Variants in GABBR2 observed in about 807,000 individuals in gnomAD.
GABBR2 encodes the protein G-protein coupled receptor 51.
A neutral mutation model predicts 105.6 loss-of-function variants in GABBR2; 23 were observed. That is an observed-to-expected ratio of 0.22 (90% CI 0.16 to 0.31). The LOEUF (loss-of-function observed/expected upper bound fraction) is 0.31. Ranked by LOEUF, GABBR2 falls within the 10% of genes least tolerant of loss-of-function variation. The pLI is 1.00. For missense variants in GABBR2, 734 were observed against 1,245.5 expected, an observed-to-expected ratio of 0.59 and a Z score of 6.18; for synonymous variants, 478 against 499.7, an observed-to-expected ratio of 0.96 and a Z score of 0.58.
chr9:98,343,924 C>G (rs1022612329), intron 13 of GABBR2, among the ~76,000 whole-genome samples: 4 of 152,188 alleles, frequency 2.6e-5, no homozygotes, highest in Non-Finnish European at 4.4e-5. Context: ...CACATACATA[C>G]TGTCAATTCG....
intron 1 of GABBR2, among the ~76,000 whole-genome samples, chr9:98,623,719 C>A (rs1357709566): frequency 6.6e-6 from 1 of 152,190 alleles, no homozygotes; most frequent in African/African-American, 2.4e-5. Context: ...TCCTTCTCTG[C>A]CTCTGACCCA....
chr9:98,416,013 G>C (rs1009939924), intron 7 of GABBR2, among the ~76,000 whole-genome samples: 14 of 152,290 alleles, frequency 9.2e-5, no homozygotes, highest in African/African-American at 2.6e-4. Context: ...GGTAGTCAGG[G>C]ATGTGTTGGT....
rs984433851 is a variant in GABBR2, at chr9:98,708,717, G to T, written c.21C>A (p.Ser7=). 3.0e-5 allele frequency: 30 copies of T among 990,834 alleles called. No homozygotes were observed. The highest frequency in any genetic ancestry group is 3.5e-5 in the Non-Finnish European group (29 of 836,170). 61.4% of individuals were successfully genotyped at this position (990,834 alleles called of 1,614,324 possible). ...GCGGCGGCGGCGGCCCGGGCTGCCCGGAGCTCCGCGGGGAAGCCATGCCGC... is the reference window on the plus strand; with the variant it reads ...GCGGCGGCGGCGGCCCGGGCTGCCCTGAGCTCCGCGGGGAAGCCATGCCGC... The part of the protein sequence containing the change: MASPRS[S]GQPGPPPPPP... The change falls in exon 1 of 19, where the codon TCC becomes TCA. Residue 7 remains serine (S), a synonymous_variant. Coordinates refer to ENST00000259455, the MANE Select transcript of GABBR2 (RefSeq NM_005458.8).
At chr9:98,367,792 T>C (rs1216866340) in intron 12 of GABBR2, among the ~76,000 whole-genome samples, 4 of 152,150 alleles carry the variant, frequency 2.6e-5, no homozygotes, top group African/African-American at 9.7e-5. Flanking sequence ...GAAATTTATA[T>C]CTTACCCAAA....
intron 9 of GABBR2, among the ~76,000 whole-genome samples, chr9:98,389,356 G>T (rs1377628018): frequency 6.6e-6 from 1 of 152,214 alleles, no homozygotes; most frequent in Non-Finnish European, 1.5e-5. Context: ...ATGTGAGTGG[G>T]TACCCGTGGG....
Position 98,547,361 on chromosome 9 carries a change from T to C in GABBR2, c.460-5318A>G, listed in dbSNP as rs561159244. 2.9e-3 allele frequency among the ~76,000 whole-genome samples: 338 copies of C among 117,242 alleles called. 54 individuals are homozygous for C. The highest frequency in any genetic ancestry group is 8.2e-3 in the African/African-American group (304 of 37,094). 76.9% of individuals were successfully genotyped at this position (117,242 alleles called of 152,430 possible). A position where few individuals can be genotyped will look rare whatever the true frequency, so the allele number is the denominator to read the frequency against. ...ATTTAACATATTTATTACATATACA[T>C]TTATAATATTGTATATATTATACAT... On this transcript the variant is annotated intron_variant, in intron 2 of 18. Coordinates refer to ENST00000259455, the MANE Select transcript of GABBR2 (RefSeq NM_005458.8).
intron 1 of GABBR2, among the ~76,000 whole-genome samples, chr9:98,601,606 T>C (rs1212566834): frequency 2.0e-5 from 3 of 152,098 alleles, no homozygotes; most frequent in Admixed American, 1.3e-4. Context: ...TTAAAGGACA[T>C]AAGAAGGAAG....
chr9:98,695,458 T>C (rs1830736993), intron 1 of GABBR2, among the ~76,000 whole-genome samples: 1 of 152,126 alleles, frequency 6.6e-6, no homozygotes, highest in African/African-American at 2.4e-5. Context: ...CTTCCAGAAA[T>C]GGATGGGGCT....
At chr9:98,606,815 A>T (rs1431309569) in intron 1 of GABBR2, 6 of 332,504 alleles carry the variant, frequency 1.8e-5, no homozygotes, top group African/African-American at 1.1e-4. Context: ...TCCTTTTTTA[A>T]AAAAAAAGTA....
intron 2 of GABBR2, among the ~76,000 whole-genome samples, chr9:98,571,485 C>T (rs1183866254): frequency 6.6e-6 from 1 of 152,108 alleles, no homozygotes; most frequent in East Asian, 1.9e-4. Context: ...TCTCCAGGGG[C>T]CAACAGCATC....
At chr9:98,616,069 GA>G (rs1240344544) in intron 1 of GABBR2, among the ~76,000 whole-genome samples, 1 of 152,214 alleles carries the variant, frequency 6.6e-6, no homozygotes, top group Non-Finnish European at 1.5e-5. Flanking sequence ...CCATCTTATA[GA>G]TAAGGAAACT....
At chr9:98,595,955 C>G (rs953478224) in intron 1 of GABBR2, among the ~76,000 whole-genome samples, 1 of 152,328 alleles carries the variant, frequency 6.6e-6, no homozygotes, top group South Asian at 2.1e-4. Context: ...TGTCCCATCC[C>G]CTTTGCCTGG....
chr9:98,494,592 C>T (rs371240953), intron 4 of GABBR2, among the ~76,000 whole-genome samples: 2 of 152,240 alleles, frequency 1.3e-5, no homozygotes, highest in South Asian at 2.1e-4. Context: ...AGCTGGGTGT[C>T]TTGGGGTAGT....
At chr9:98,567,880 T>G (rs1464637004) in intron 2 of GABBR2, among the ~76,000 whole-genome samples, 1 of 152,150 alleles carries the variant, frequency 6.6e-6, no homozygotes, top group African/African-American at 2.4e-5. Context: ...CTCCCTCTTT[T>G]GGGGTGGTGG....
rs1474853095 is a variant in GABBR2, at chr9:98,533,812, G to A, written c.630+8061C>T. Among the ~76,000 whole-genome samples the A allele has an allele frequency of 2.6e-5, 4 of 152,328 alleles. No individual in the cohort carries two copies. The East Asian group carries it at 7.7e-4, about 29-fold the overall frequency. On this transcript the variant is annotated intron_variant, in intron 3 of 18. Transcript: ENST00000259455. The stretch of plus-strand genomic sequence containing the variant: ...GATGTTCCTGCCAAGAGAGAAGCCA[G>A]CATGGAGGTGTGGCTGGACCAAAGG...
chr9:98,648,599 T>C (rs186893701), intron 1 of GABBR2, among the ~76,000 whole-genome samples: 2 of 152,160 alleles, frequency 1.3e-5, no homozygotes, highest in Middle Eastern at 3.2e-3. Flanking sequence ...CTTCTCCCTC[T>C]CCAAGTCTCA....
At chr9:98,693,216 C>A (rs1410396177) in intron 1 of GABBR2, among the ~76,000 whole-genome samples, 1 of 152,188 alleles carries the variant, frequency 6.6e-6, no homozygotes, top group East Asian at 1.9e-4. Context: ...AGGTCCTGCC[C>A]CCTGATGAGG....
intron 1 of GABBR2, among the ~76,000 whole-genome samples, chr9:98,628,430 G>A (rs1454943466): frequency 6.6e-6 from 1 of 152,188 alleles, no homozygotes; most frequent in East Asian, 1.9e-4. Context: ...TGAAGTGACA[G>A]CCTTCCCTGG....
intron 7 of GABBR2, among the ~76,000 whole-genome samples, chr9:98,418,147 G>C (rs2131550017): frequency 6.6e-6 from 1 of 152,272 alleles, no homozygotes; most frequent in South Asian, 2.1e-4. Flanking sequence ...AAAATGGATG[G>C]GCATGGGGGA....
Sources: allele counts gnomAD v4.1 joint callset (sites outside exome capture counted in the v4.1 genomes callset), GRCh38; gene constraint gnomAD v4.1.1; transcripts MANE v1.5; gene names NCBI Gene and HGNC (gene_info 2026-07-23, HGNC 2026-07-21).